GSE1: variants seen among roughly 807,000 people sequenced by gnomAD.
GSE1 encodes the protein Gse1 coiled-coil protein, also known as genetic suppressor element 1.
In GSE1, 32 loss-of-function variants were observed where a neutral mutation model predicts 112.6. The observed-to-expected ratio is 0.28, with a 90% CI of 0.21 to 0.38. The LOEUF is 0.38. Ranked by LOEUF, GSE1 falls within the 10% of genes least tolerant of loss-of-function variation. GSE1 has a pLI of 1.00. For synonymous variants in GSE1, 1,115 were observed against 735.6 expected (o/e 1.52, Z -8.35); for missense variants, 2,348 against 1,699.2 (o/e 1.38, Z -6.71).
rs576599053 is a variant in GSE1 at position 85,663,313 on chromosome 16, T to A, written c.2374-31T>A. On this transcript the variant is annotated intron_variant, in intron 10 of 15. Coordinates refer to ENST00000253458, the MANE Select transcript of GSE1 (RefSeq NM_014615.5). The stretch of plus-strand genomic sequence containing the variant: ...TGCAAGCATACCACTGCCAGTGGCT[T>A]CAAACTCATTTGTTTTCTTTCCCAA... 45 of 1,611,510 alleles carry A rather than the reference T, an allele frequency of 2.8e-5. No individual in the cohort carries two copies. The South Asian group carries it at 4.8e-4, about 17-fold the overall frequency.
intron 1 of GSE1, among the ~76,000 whole-genome samples, chr16:85,222,298 G>A (rs1001527839): frequency 3.3e-5 from 5 of 152,218 alleles, no homozygotes; most frequent in African/African-American, 4.8e-5. Context: ...CCCAGGTCCC[G>A]GGCTGGGGCC....
At chr16:85,645,417 G>T (rs768561697) in intron 2 of GSE1, among the ~76,000 whole-genome samples, 1 of 152,168 alleles carries the variant, frequency 6.6e-6, no homozygotes, top group Non-Finnish European at 1.5e-5. Flanking sequence ...CAGTTGTGCA[G>T]GTTGCACACA....
At chr16:85,471,676 A>G (rs1482068532) in intron 2 of GSE1, among the ~76,000 whole-genome samples, 3 of 152,020 alleles carry the variant, frequency 2.0e-5, no homozygotes, top group African/African-American at 7.2e-5. Context: ...AAGTACAAGG[A>G]TTACAGACAT....
chr16:85,374,509 TG>T (rs1210260131), intron 2 of GSE1, among the ~76,000 whole-genome samples: 1 of 127,072 alleles, frequency 7.9e-6, no homozygotes, highest in African/African-American at 2.8e-5. Context: ...CAGTGTATAA[TG>T]TGTGTCAGTG....
chr16:85,516,519 G>A (rs540126932), intron 2 of GSE1, among the ~76,000 whole-genome samples: 3 of 144,350 alleles, frequency 2.1e-5, no homozygotes, highest in South Asian at 4.4e-4. Flanking sequence ...CCAGGAGGTC[G>A]AGTTTGCACT....
At chr16:85,361,670 G>T (rs2047085036) in intron 2 of GSE1, among the ~76,000 whole-genome samples, 1 of 152,240 alleles carries the variant, frequency 6.6e-6, no homozygotes, top group African/African-American at 2.4e-5. Flanking sequence ...TGCCTCGTAC[G>T]TGGGGACAGC....
intron 1 of GSE1, among the ~76,000 whole-genome samples, chr16:85,556,752 C>G (rs1169357932): frequency 7.8e-6 from 1 of 127,858 alleles, no homozygotes; most frequent in African/African-American, 3.0e-5. Context: ...GTAGCATGCC[C>G]CCCCCCCCCC....
intron 2 of GSE1, 127 bp from the exon 3 acceptor site, chr16:85,648,425 G>C: frequency 3.3e-6 from 2 of 600,180 alleles, no homozygotes; most frequent in Non-Finnish European, 2.9e-6. Context: ...GGCCCATGAG[G>C]CTGGTAGACC....
intron 2 of GSE1, among the ~76,000 whole-genome samples, chr16:85,409,858 T>C (rs867388339): frequency 1.6e-4 from 2 of 12,576 alleles, no homozygotes; most frequent in African/African-American, 8.0e-4. Flanking sequence ...TAATCCTCAC[T>C]GTTACACTCA....
At chr16:85,417,602 C>T (rs1000534944) in intron 2 of GSE1, among the ~76,000 whole-genome samples, 2 of 152,194 alleles carry the variant, frequency 1.3e-5, no homozygotes, top group Admixed American at 6.5e-5. Context: ...TCTGTTGCCC[C>T]ATGGGTGGCC....
chr16:85,634,891 C>T (rs1054120282), intron 2 of GSE1, among the ~76,000 whole-genome samples: 2 of 152,176 alleles, frequency 1.3e-5, no homozygotes, highest in African/African-American at 2.4e-5. Flanking sequence ...GCTGGAGCTG[C>T]TGGGGGCCTT....
At chr16:85,436,670 G>A (rs1023458401) in intron 2 of GSE1, among the ~76,000 whole-genome samples, 1 of 152,224 alleles carries the variant, frequency 6.6e-6, no homozygotes, top group African/African-American at 2.4e-5. Context: ...CCCAGGCCCG[G>A]CCAACTGGGC....
intron 1 of GSE1, among the ~76,000 whole-genome samples, chr16:85,229,468 C>T (rs538178486): frequency 8.5e-5 from 13 of 152,362 alleles, no homozygotes; most frequent in South Asian, 8.3e-4. Context: ...CTGGCTAGTG[C>T]GGCATCCAGA....
At chr16:85,556,488 C>T (rs1054155540) in intron 1 of GSE1, 5 of 213,434 alleles carry the variant, frequency 2.3e-5, no homozygotes, top group Non-Finnish European at 4.0e-5. Flanking sequence ...CCGGTGCCCC[C>T]CGCAGACGCG....
chr16:85,631,524 C>G (rs2049539461), intron 1 of GSE1, among the ~76,000 whole-genome samples: 1 of 152,242 alleles, frequency 6.6e-6, no homozygotes. Flanking sequence ...GCATCGCAGA[C>G]TCAGAGCATG....
At chr16:85,576,000 A>G (rs2046214414) in intron 1 of GSE1, among the ~76,000 whole-genome samples, 2 of 150,600 alleles carry the variant, frequency 1.3e-5, no homozygotes, top group Non-Finnish European at 2.9e-5. Flanking sequence ...TAGAGCAGTG[A>G]CGGGGGAGTA....
chr16:85,181,888 G>C (rs2074593633), intron 1 of GSE1, among the ~76,000 whole-genome samples: 1 of 152,222 alleles, frequency 6.6e-6, no homozygotes. Context: ...CACAGCTGCA[G>C]CGCCAGCTCT....
At chr16:85,507,897 G>A (rs536105627) in intron 2 of GSE1, among the ~76,000 whole-genome samples, 1 of 152,304 alleles carries the variant, frequency 6.6e-6, no homozygotes, top group South Asian at 2.1e-4. Flanking sequence ...AGAGTTGCGA[G>A]CACACGCCTC....
chr16:85,536,351 G>A (rs1404942011), intron 2 of GSE1, among the ~76,000 whole-genome samples: 1 of 152,210 alleles, frequency 6.6e-6, no homozygotes, highest in Non-Finnish European at 1.5e-5. Context: ...CTGCATGGGG[G>A]TGAGAAGAAA....
Sources: gnomAD v4.1 joint callset for allele counts (sites outside exome capture counted in the v4.1 genomes callset) on GRCh38, gnomAD v4.1.1 for gene constraint, MANE v1.5 for transcripts, NCBI Gene and HGNC (gene_info 2026-07-23, HGNC 2026-07-21) for gene names.